ADAMTS18: variants seen among roughly 807,000 people sequenced by gnomAD.
ADAMTS18 encodes the protein ADAM metallopeptidase with thrombospondin type 1 motif 18.
Under a neutral mutation model 165.9 loss-of-function variants are expected in ADAMTS18, and 157 were observed. The ratio of observed to expected loss-of-function variants is 0.95; its 90% CI spans 0.83 to 1.08. ADAMTS18 has a LOEUF of 1.08. Ranked by LOEUF, ADAMTS18 falls within the 50% of genes least tolerant of loss-of-function variation. The pLI is 0.00. For missense variants in ADAMTS18, 2,040 were observed against 1,534.0 expected (o/e 1.33, Z -5.51); for synonymous variants, 782 against 578.2 (o/e 1.35, Z -5.06).
At chr16:77,363,610 A>G (rs1228439871) in intron 6 of ADAMTS18, among the ~76,000 whole-genome samples, 192 bp downstream of exon 6, 2 of 151,804 alleles carry the variant, frequency 1.3e-5, no homozygotes, top group Admixed American at 1.3e-4. Flanking sequence ...TTAAATATAA[A>G]TATTTTTCTG....
intron 4 of ADAMTS18, among the ~76,000 whole-genome samples, 195 bp from the exon 5 acceptor site, chr16:77,364,576 A>C (rs1314541292): frequency 6.8e-6 from 1 of 146,474 alleles, no homozygotes; most frequent in African/African-American, 2.6e-5. Context: ...TACTCAATAA[A>C]TGTTTGGATG....
At chr16:77,334,952 G>A (rs945004185) in intron 12 of ADAMTS18, among the ~76,000 whole-genome samples, 53 of 139,220 alleles carry the variant, frequency 3.8e-4, no homozygotes, top group Admixed American at 9.6e-4. Flanking sequence ...ATAGTATATA[G>A]TAGTATATAT....
chr16:77,375,210 C>T (rs1455498691), intron 3 of ADAMTS18, among the ~76,000 whole-genome samples: 1 of 152,134 alleles, frequency 6.6e-6, no homozygotes, highest in African/African-American at 2.4e-5. Context: ...AAGAAAAAGA[C>T]GGGGTTTCAC....
At chr16:77,389,084 C>G (rs563660452) in intron 3 of ADAMTS18, among the ~76,000 whole-genome samples, 1 of 152,130 alleles carries the variant, frequency 6.6e-6, no homozygotes, top group Non-Finnish European at 1.5e-5. Context: ...TGGATAGTTT[C>G]AGCTCAGGAG....
intron 10 of ADAMTS18, 45 bp from the exon 11 acceptor site, chr16:77,341,844 TA>T: frequency 7.4e-7 from 1 of 1,357,612 alleles, no homozygotes; most frequent in East Asian, 2.4e-5. Context: ...TGATATACAA[TA>T]AAAACAAAAA....
chr16:77,295,018 A>T lies in ADAMTS18; in HGVS notation c.2911T>A (p.Leu971Met). The T allele has an allele frequency of 6.2e-7, 1 of 1,614,130 alleles. No individual in the cohort carries two copies. Among genetic ancestry groups the T allele is most frequent in the East Asian group, 2.2e-5 (1 of 44,850 alleles). ...GTGCTCACTGGACAGAGAGAATGCA[A>T]CACTGCTTCCTCCTTTTGGAAGGGC... ...KKPFQKEEAV[L>M]HSLCPVSTPT... Residue 971 changes from leucine to methionine, a missense_variant, in exon 19 of 23, where the codon TTG becomes ATG. Physicochemically the swap from Leu to Met is conservative, Grantham distance 15. Transcript: ENST00000282849.
intron 16 of ADAMTS18, among the ~76,000 whole-genome samples, chr16:77,301,299 G>C (rs2055578234): frequency 6.6e-6 from 1 of 150,448 alleles, no homozygotes; most frequent in Non-Finnish European, 1.5e-5. Context: ...AAACTGGAGA[G>C]AAAGAACTTG....
intron 13 of ADAMTS18, among the ~76,000 whole-genome samples, chr16:77,324,656 G>A (rs1439425103): frequency 1.3e-5 from 2 of 152,176 alleles, no homozygotes; most frequent in Non-Finnish European, 2.9e-5. Context: ...AAAACAATAT[G>A]AAGGAAGAAT....
rs544667754 is a variant in ADAMTS18 at position 77,306,489 on chromosome 16, A to G, written c.2533-6085T>C. 2.0e-5 allele frequency among the ~76,000 whole-genome samples: 3 copies of G among 152,226 alleles called. No individual in the cohort carries two copies. The East Asian group carries it at 5.8e-4, about 29-fold the overall frequency. ...TCTCTTTCTTTCGTCCCCACTTTTA[A>G]TTTTTAATGTTAAAACTTTTTAAAA... On this transcript the variant is annotated intron_variant, in intron 16 of 22. Transcript: ENST00000282849.
At chr16:77,407,177 A>G (rs1413213932) in intron 3 of ADAMTS18, among the ~76,000 whole-genome samples, 1 of 152,132 alleles carries the variant, frequency 6.6e-6, no homozygotes, top group Non-Finnish European at 1.5e-5. Context: ...ATATACAAAA[A>G]TCAACTTTAT....
In ADAMTS18 at chr16:77,283,889, G is replaced by A. The variant is rs1253090512; in HGVS notation, c.*67C>T. 5.6e-6 allele frequency: 7 copies of A among 1,245,768 alleles called. No homozygotes were observed. The African/African-American group carries it at 7.4e-5, about 13-fold the overall frequency. The allele number at this position is 1,245,768 out of a possible 1,614,324, so 77.2% of individuals were successfully genotyped here. Reference sequence around the variant, plus strand: ...CGGTGCTCAGCTCCTGGTCTCAAAGGCAGCTGGTCTCTCTAGAGGTTGAAA... The same window carrying A: ...CGGTGCTCAGCTCCTGGTCTCAAAGACAGCTGGTCTCTCTAGAGGTTGAAA... On this transcript the variant is annotated 3_prime_UTR_variant, in exon 23 of 23. Coordinates refer to ENST00000282849, the MANE Select transcript of ADAMTS18 (RefSeq NM_199355.4).
At position 77,291,427 on chromosome 16, in the gene ADAMTS18, C is replaced by G; in HGVS notation, c.3241G>C (p.Glu1081Gln). Residue 1081 changes from glutamate to glutamine, a missense_variant, in exon 21 of 23, where the codon GAG becomes CAG. Transcript: ENST00000282849. ...ATCAGCTTTCCCTGGAAGCCCTTCTCGCTGCACTTCATCTCCCTCTTCCTC... is the reference window on the plus strand; with the variant it reads ...ATCAGCTTTCCCTGGAAGCCCTTCTGGCTGCACTTCATCTCCCTCTTCCTC... The part of the protein sequence containing the change: ...GVRKREMKCS[E>Q]KGFQGKLITF... The G allele has an allele frequency of 6.2e-7, 1 of 1,614,206 alleles. No homozygotes were observed. The highest frequency in any genetic ancestry group is 8.5e-7 in the Non-Finnish European group (1 of 1,180,026).
chr16:77,338,162 C>T (rs770694723), intron 11 of ADAMTS18, among the ~76,000 whole-genome samples: 40 of 152,090 alleles, frequency 2.6e-4, no homozygotes, highest in South Asian at 2.1e-4. Flanking sequence ...CCTTGGCCTC[C>T]GAAAGTGCTG....
At chr16:77,294,150 T>G (rs973792318) in intron 19 of ADAMTS18, among the ~76,000 whole-genome samples, 1 of 152,248 alleles carries the variant, frequency 6.6e-6, no homozygotes. Flanking sequence ...TTTTCATTCT[T>G]CCCCATAATT....
At chr16:77,411,881 G>C (rs953818765) in intron 3 of ADAMTS18, among the ~76,000 whole-genome samples, 3 of 151,532 alleles carry the variant, frequency 2.0e-5, no homozygotes, top group African/African-American at 7.3e-5. Flanking sequence ...TAGAGACGGG[G>C]TTTCACCATG....
intron 8 of ADAMTS18, among the ~76,000 whole-genome samples, chr16:77,357,652 G>A (rs546182696): frequency 6.6e-6 from 1 of 152,238 alleles, no homozygotes; most frequent in South Asian, 2.1e-4. Flanking sequence ...TTTTATGTGC[G>A]TAAGAAAATC....
chr16:77,388,344 C>A (rs562793804), intron 3 of ADAMTS18, among the ~76,000 whole-genome samples: 1 of 152,192 alleles, frequency 6.6e-6, no homozygotes, highest in Non-Finnish European at 1.5e-5. Context: ...AAGTGATCCG[C>A]CTGCCTCAGC....
Position 77,293,273 on chromosome 16 carries a change from A to G in ADAMTS18, c.3007-15T>C, listed in dbSNP as rs1402546820. On this transcript the variant is annotated splice_polypyrimidine_tract_variant and intron_variant, in intron 19 of 22. Transcript: ENST00000282849. ...GTCTTGGAACACTTGAGAAGACAAA[A>G]AAGTTCTATTTGCATTCCCATTAGG... 2.5e-6 allele frequency: 4 copies of G among 1,612,634 alleles called. No individual in the cohort carries two copies. Among genetic ancestry groups the G allele is most frequent in the Non-Finnish European group, 1.7e-6 (2 of 1,178,922 alleles).
intron 8 of ADAMTS18, 113 bp downstream of exon 8, chr16:77,359,205 T>C: frequency 3.2e-6 from 3 of 937,280 alleles, no homozygotes; most frequent in Non-Finnish European, 5.0e-6. Context: ...TTCTAAGCTT[T>C]ACACAAGACT....
Sources: gnomAD v4.1 joint callset for allele counts (sites outside exome capture counted in the v4.1 genomes callset) on GRCh38, gnomAD v4.1.1 for gene constraint, MANE v1.5 for transcripts, NCBI Gene and HGNC (gene_info 2026-07-23, HGNC 2026-07-21) for gene names.